The following PRSS55 variants were observed in gnomAD, a reference collection of about 807,000 sequenced individuals.
The protein encoded by PRSS55 is serine protease 55, also known as probable serine protease UNQ9391/PRO34284.
A neutral mutation model predicts 23.6 loss-of-function variants in PRSS55; 41 were observed. That is an observed-to-expected ratio of 1.74 (90% CI 1.35 to 2.26). PRSS55 has a LOEUF of 2.26. PRSS55 is among the 30% of genes most tolerant of loss of function. PRSS55 has a pLI of 0.00. For missense variants in PRSS55, 669 were observed against 439.1 expected, an observed-to-expected ratio of 1.52 and a Z score of -4.68; for synonymous variants, 262 against 175.5, an observed-to-expected ratio of 1.49 and a Z score of -3.90.
At chr8:10,544,039 G>T (rs1170579233) in intron 4 of PRSS55, among the ~76,000 whole-genome samples, 1 of 152,122 alleles carries the variant, frequency 6.6e-6, no homozygotes, top group Non-Finnish European at 1.5e-5. Context: ...ATTAGGTCTA[G>T]CTGGTTTATA....
At chr8:10,549,724 A>G (rs370766766) in intron 4 of PRSS55, among the ~76,000 whole-genome samples, 21 of 152,190 alleles carry the variant, frequency 1.4e-4, no homozygotes, top group Middle Eastern at 6.8e-3. Flanking sequence ...TCTCCCCCTG[A>G]CTTTGGAGAA....
intron 3 of PRSS55, among the ~76,000 whole-genome samples, chr8:10,531,896 G>A (rs1036661002): frequency 2.4e-4 from 37 of 152,200 alleles, no homozygotes; most frequent in African/African-American, 8.9e-4. Context: ...TCCAGGCATT[G>A]GAGATTCCCA....
chr8:10,531,540 A>ATGC lies in PRSS55; in HGVS notation c.596_598dup (p.Ala200dup). Reference sequence around the variant, plus strand: ...TGGGTGGCAGGTTGGGGCCAGACCAATGCTGGTATGTGACTGCTCAGCTTC... The same window carrying ATGC: ...TGGGTGGCAGGTTGGGGCCAGACCAATGCTGCTGGTATGTGACTGCTCAGCTTC... On this transcript the variant is annotated inframe_insertion, in exon 3 of 5. Transcript: ENST00000328655. The ATGC allele has an allele frequency of 2.5e-6, 4 of 1,613,482 alleles. No individual in the cohort carries two copies. Among genetic ancestry groups the ATGC allele is most frequent in the Non-Finnish European group, 3.4e-6 (4 of 1,180,010 alleles).
At chr8:10,544,106 T>G (rs1812748426) in intron 4 of PRSS55, among the ~76,000 whole-genome samples, 2 of 152,000 alleles carry the variant, frequency 1.3e-5, no homozygotes, top group Non-Finnish European at 2.9e-5. Context: ...TTCTATCCAT[T>G]ATTTAACATG....
At position 10,551,641 on chromosome 8, in the gene PRSS55, G is replaced by A. The variant is rs570791211; in HGVS notation, c.742-2302G>A. 1.1e-3 allele frequency among the ~76,000 whole-genome samples: 161 copies of A among 152,350 alleles called. 2 individuals are homozygous for A. Among genetic ancestry groups the A allele is most frequent in the African/African-American group, 2.9e-3 (121 of 41,580 alleles). ...CCTCCTAACCCTGGCAACGCTGACCGATGTGCCAATGACAGCGGCTGAAGG... is the reference window on the plus strand; with the variant it reads ...CCTCCTAACCCTGGCAACGCTGACCAATGTGCCAATGACAGCGGCTGAAGG... On this transcript the variant is annotated intron_variant, in intron 4 of 4. Coordinates refer to the PRSS55 transcript ENST00000522210.
downstream of PRSS55, chr8:10,540,473 A>C (rs937547237): frequency 2.0e-5 from 3 of 152,254 alleles, no homozygotes; most frequent in Non-Finnish European, 4.4e-5. Context: ...GCACTTTGGG[A>C]GGCTGAGATG....
intron 4 of PRSS55, among the ~76,000 whole-genome samples, chr8:10,553,675 G>C (rs1812999731): frequency 6.6e-6 from 1 of 152,196 alleles, no homozygotes; most frequent in Non-Finnish European, 1.5e-5. Context: ...CAAAATTTCA[G>C]TTAGACAGGA....
intron 4 of PRSS55, among the ~76,000 whole-genome samples, chr8:10,550,981 T>C (rs1812939061): frequency 6.6e-6 from 1 of 152,238 alleles, no homozygotes; most frequent in Non-Finnish European, 1.5e-5. Context: ...CCCCAACAGC[T>C]GACATGGACC....
chr8:10,529,667 T>G lies in PRSS55; in HGVS notation c.315T>G (p.Thr105=). Reference sequence around the variant, plus strand: ...TCCTCAACAAGTGGTGGATTCTCACTGCGGCTCACTGCTTATATTCCGAGG... The same window carrying G: ...TCCTCAACAAGTGGTGGATTCTCACGGCGGCTCACTGCTTATATTCCGAGG... The part of the protein sequence containing the change: ...GSILNKWWIL[T]AAHCLYSEEL... The change falls in exon 2 of 5, where the codon ACT becomes ACG. Residue 105 remains threonine, a synonymous_variant. Coordinates refer to ENST00000328655, the MANE Select transcript of PRSS55 (RefSeq NM_198464.4). 6.2e-7 allele frequency: 1 copy of G among 1,614,158 alleles called. No individual in the cohort carries two copies.
intron 1 of PRSS55, 112 bp downstream of exon 1, chr8:10,525,851 C>A: frequency 1.8e-6 from 2 of 1,128,882 alleles, no homozygotes; most frequent in Non-Finnish European, 2.5e-6. Context: ...CCCCACATAC[C>A]CCTTCTCCAA....
chr8:10,530,392 T>A (rs891558492), intron 2 of PRSS55, among the ~76,000 whole-genome samples: 3 of 152,222 alleles, frequency 2.0e-5, no homozygotes, highest in Non-Finnish European at 4.4e-5. Flanking sequence ...GGAGAGTTGC[T>A]TGAACCCAGG....
At chr8:10,539,536 T>A (rs4077605), downstream of PRSS55, among the ~76,000 whole-genome samples, 2 of 152,210 alleles carry the variant, frequency 1.3e-5, no homozygotes, top group South Asian at 4.1e-4. Flanking sequence ...ATGTCCCCAC[T>A]CAAATCTCAT....
chr8:10,533,116 T>G, intron 4 of PRSS55, 68 bp downstream of exon 4: 2 of 1,516,738 alleles, frequency 1.3e-6, no homozygotes, highest in Non-Finnish European at 1.8e-6. Flanking sequence ...TGCAAGGGTA[T>G]TCTCTCTCTG....
rs778106361 is a variant in PRSS55, at chr8:10,525,556, A to AC, written c.-25dup. ...CACTGCCTCAGCCCTGGCCTCTGTC[A>AC]CCCCCGGGCCCACAGCACAGCCCAG... On this transcript the variant is annotated 5_prime_UTR_variant, in exon 1 of 5. Transcript: ENST00000328655. 3.3e-5 allele frequency: 52 copies of AC among 1,599,304 alleles called. No individual in the cohort carries two copies. The African/African-American group carries it at 6.6e-4, about 20-fold the overall frequency.
Position 10,552,812 on chromosome 8 carries a change from C to G in PRSS55, c.742-1131C>G, listed in dbSNP as rs137861681. On this transcript the variant is annotated intron_variant, in intron 4 of 4. Coordinates refer to the PRSS55 transcript ENST00000522210. ...TGGAGAAAGGGGAATGTTTGTACTC[C>G]ATTGGTAGGAATGTAAATTAATACA... 5.8e-3 allele frequency among the ~76,000 whole-genome samples: 887 copies of G among 152,182 alleles called. 10 individuals carry two copies. The highest frequency in any genetic ancestry group is 0.021 in the African/African-American group (858 of 41,520).
At chr8:10,553,581 A>G (rs1192762978) in intron 4 of PRSS55, among the ~76,000 whole-genome samples, 1 of 152,230 alleles carries the variant, frequency 6.6e-6, no homozygotes, top group African/African-American at 2.4e-5. Context: ...TCACTTACAT[A>G]TGGAATCTAA....
intron 4 of PRSS55, among the ~76,000 whole-genome samples, chr8:10,550,810 G>T (rs1375475082): frequency 6.6e-6 from 1 of 152,232 alleles, no homozygotes; most frequent in Non-Finnish European, 1.5e-5. Context: ...GCAGGTGTGT[G>T]TGTGCATGCG....
intron 4 of PRSS55, among the ~76,000 whole-genome samples, chr8:10,548,317 T>C (rs1473334242): frequency 6.6e-6 from 1 of 151,970 alleles, no homozygotes; most frequent in Non-Finnish European, 1.5e-5. Context: ...ACTGGAGACC[T>C]GGGGCAGCCA....
intron 1 of PRSS55, among the ~76,000 whole-genome samples, chr8:10,526,978 T>C (rs1169103463): frequency 6.6e-6 from 1 of 152,230 alleles, no homozygotes; most frequent in Non-Finnish European, 1.5e-5. Context: ...CGTGCCATGT[T>C]CTGCATCTCA....
Sources: allele counts gnomAD v4.1 joint callset (sites outside exome capture counted in the v4.1 genomes callset), GRCh38; gene constraint gnomAD v4.1.1; transcripts MANE v1.5; gene names NCBI Gene and HGNC (gene_info 2026-07-23, HGNC 2026-07-21).